Variants in PHACTR2 observed in about 807,000 individuals in gnomAD.
PHACTR2 encodes phosphatase and actin regulator 2.
PHACTR2 carries 30 observed loss-of-function variants against 76.0 expected under a neutral mutation model. The observed-to-expected ratio is 0.39, with a 90% CI of 0.30 to 0.54. PHACTR2 has a LOEUF of 0.54. PHACTR2 is among the 20% of genes least tolerant of loss of function. The pLI is 0.61. For synonymous variants in PHACTR2, 292 were observed against 292.5 expected (o/e 1.00, Z 0.02); for missense variants, 696 against 781.1 (o/e 0.89, Z 1.30).
rs1269122355 is a variant in PHACTR2, at chr6:143,658,039, T to C, written c.13+49717T>C. Among the ~76,000 whole-genome samples, 1 of 152,180 alleles carries C rather than the reference T, an allele frequency of 6.6e-6. No individual in the cohort carries two copies. The highest frequency in any genetic ancestry group is 1.5e-5 in the Non-Finnish European group (1 of 68,030). On this transcript the variant is annotated intron_variant, in intron 1 of 11. Coordinates refer to the PHACTR2 transcript ENST00000305766. The surrounding 1 kb of genome is among the most constrained non-coding windows in gnomAD (Gnocchi z 4.1). Reference sequence around the variant, plus strand: ...ATACCACAATTTATTTACCCACTCTTCTGTTGAGGGACGTTTGGCCTGTCC... The same window carrying C: ...ATACCACAATTTATTTACCCACTCTCCTGTTGAGGGACGTTTGGCCTGTCC...
Position 143,616,488 on chromosome 6 carries a change from T to C in PHACTR2, c.13+8166T>C, listed in dbSNP as rs1398646538. On this transcript the variant is annotated intron_variant, in intron 1 of 11. Coordinates refer to the PHACTR2 transcript ENST00000305766. The surrounding 1 kb of genome is among the most constrained non-coding windows in gnomAD (Gnocchi z 4.9). Reference sequence around the variant, plus strand: ...CACAAAAGCATTTGTACCTTCATTCTTGCTGTTCTTCCCACCTAGAACGCC... The same window carrying C: ...CACAAAAGCATTTGTACCTTCATTCCTGCTGTTCTTCCCACCTAGAACGCC... Among the ~76,000 whole-genome samples the C allele has an allele frequency of 1.3e-5, 2 of 152,238 alleles. No homozygotes were observed. The highest frequency in any genetic ancestry group is 4.8e-5 in the African/African-American group (2 of 41,468).
chr6:143,805,306 C>G (rs752923602), intron 11 of PHACTR2, among the ~76,000 whole-genome samples: 1 of 151,882 alleles, frequency 6.6e-6, no homozygotes, highest in Non-Finnish European at 1.5e-5. Flanking sequence ...GGTGAAACCT[C>G]GTCTCTACTA....
Position 143,732,404 on chromosome 6 carries a change from C to T in PHACTR2, c.215-16581C>T, listed in dbSNP as rs532643298. On this transcript the variant is annotated intron_variant, in intron 2 of 12. Transcript: ENST00000440869. ...ATATGTGGTCTTTTATGACTGATAT[C>T]TTTCACTTAGCAAGCTTTCATTGGT... 2.1e-4 allele frequency among the ~76,000 whole-genome samples: 32 copies of T among 152,282 alleles called. 2 individuals are homozygous for T. In the South Asian group the frequency reaches 5.6e-3, roughly 27 times the overall value.
intron 1 of PHACTR2, among the ~76,000 whole-genome samples, chr6:143,642,360 A>G (rs562414886): frequency 1.3e-5 from 2 of 152,272 alleles, no homozygotes; most frequent in Non-Finnish European, 2.9e-5. Context: ...GACCAGAACA[A>G]TGAACAACTA....
chr6:143,733,397 T>G lies in PHACTR2; in HGVS notation c.215-15588T>G, dbSNP rs974312493. 3.9e-5 allele frequency among the ~76,000 whole-genome samples: 6 copies of G among 152,228 alleles called. No homozygotes were observed. Among genetic ancestry groups the G allele is most frequent in the African/African-American group, 1.2e-4 (5 of 41,464 alleles). On this transcript the variant is annotated intron_variant, in intron 2 of 12. Transcript: ENST00000440869. This position sits in a 1 kb window ranked among gnomAD's most constrained non-coding sequence, Gnocchi z 4.0. ...TATAGTGCCTGGCTTATGTTAAACA[T>G]TCAGTAAATGTATATTGAATGAACG... is the stretch of plus-strand genomic sequence containing the variant.
intron 6 of PHACTR2, among the ~76,000 whole-genome samples, chr6:143,766,291 T>C (rs1257339827): frequency 6.6e-6 from 1 of 152,226 alleles, no homozygotes; most frequent in Non-Finnish European, 1.5e-5. Flanking sequence ...TGTTATGTCC[T>C]CTGTGAAGCC....
rs369885470 is a variant in PHACTR2 at position 143,641,054 on chromosome 6, C to G, written c.13+32732C>G. On this transcript the variant is annotated intron_variant, in intron 1 of 11. Transcript: ENST00000305766. The surrounding 1 kb of genome is among the most constrained non-coding windows in gnomAD (Gnocchi z 5.8). ...CATAGTTCTGGAGGTTGGTGGTCCA[C>G]GATCAAGGTGCTGGCATCTGCTGAG... 6.6e-6 allele frequency among the ~76,000 whole-genome samples: 1 copy of G among 152,194 alleles called. No homozygotes were observed. Among genetic ancestry groups the G allele is most frequent in the Middle Eastern group, 3.4e-3 (1 of 294 alleles).
At position 143,738,762 on chromosome 6, in the gene PHACTR2, AAAAGAAAG is replaced by A. The variant is rs563556097; in HGVS notation, c.215-10207_215-10200del. ...TAGAGCAGGACCTTGTCTCAAAAAAAAAAGAAAGAAAGAAAGAAAGAAAATTAAATGAA... is the reference window on the plus strand; with the variant it reads ...TAGAGCAGGACCTTGTCTCAAAAAAAAAAGAAAGAAAGAAAATTAAATGAA... On this transcript the variant is annotated intron_variant, in intron 2 of 12. Transcript: ENST00000440869. This position sits in a 1 kb window ranked among gnomAD's most constrained non-coding sequence, Gnocchi z 4.0. 2.0e-5 allele frequency among the ~76,000 whole-genome samples: 3 copies of A among 152,128 alleles called. No homozygotes were observed. Among genetic ancestry groups the A allele is most frequent in the Middle Eastern group, 3.2e-3 (1 of 316 alleles).
At chr6:143,588,622 G>A (rs1775653980) in intron 1 of PHACTR2, among the ~76,000 whole-genome samples, 1 of 152,074 alleles carries the variant, frequency 6.6e-6, no homozygotes, top group Non-Finnish European at 1.5e-5. Context: ...AAATGTAAGA[G>A]TTCATGAAAT....
chr6:143,715,746 G>T (rs1385994812), intron 2 of PHACTR2, among the ~76,000 whole-genome samples: 1 of 152,172 alleles, frequency 6.6e-6, no homozygotes, highest in Non-Finnish European at 1.5e-5. Flanking sequence ...GCCAACCCCA[G>T]CTATCCTTGT....
chr6:143,707,604 A>G (rs1778082805), intron 1 of PHACTR2, among the ~76,000 whole-genome samples: 1 of 152,242 alleles, frequency 6.6e-6, no homozygotes, highest in South Asian at 2.1e-4. Context: ...TATCTATTAA[A>G]TAGTATAAAC....
Position 143,548,471 on chromosome 6 carries a change from C to T in PHACTR2, c.217+11264C>T, listed in dbSNP as rs565307977. ...CTCTGATGCTGTGAGCATATATTCT[C>T]CTCAGATTTCCCCTATTTACATGTC... On this transcript the variant is annotated intron_variant, in intron 1 of 11. Transcript: ENST00000367584. The surrounding 1 kb of genome is among the most constrained non-coding windows in gnomAD (Gnocchi z 4.5). Among the ~76,000 whole-genome samples, 29 of 152,192 alleles carry T rather than the reference C, an allele frequency of 1.9e-4. No individual in the cohort carries two copies. In the South Asian group the frequency reaches 6.0e-3, roughly 32 times the overall value.
Position 143,828,965 on chromosome 6 carries a change from C to A in PHACTR2, c.*5276C>A, listed in dbSNP as rs996422085. On this transcript the variant is annotated 3_prime_UTR_variant, in exon 13 of 13. Coordinates refer to ENST00000440869, the MANE Select transcript of PHACTR2 (RefSeq NM_001100164.2). This position sits in a 1 kb window ranked among gnomAD's most constrained non-coding sequence, Gnocchi z 4.7. The stretch of plus-strand genomic sequence containing the variant: ...TTTGAGGACACAGGGAGAAAAAGTG[C>A]CTATCCTCAAACATTGTCTCTGCTG... 6.6e-6 allele frequency: 1 copy of A among 152,104 alleles called. No homozygotes were observed. The highest frequency in any genetic ancestry group is 2.4e-5 in the African/African-American group (1 of 41,398). The allele number at this position is 152,104 out of a possible 1,614,324, so 9.4% of individuals were successfully genotyped here.
In PHACTR2 at chr6:143,820,204, C is replaced by G. The variant is rs1163475923; in HGVS notation, c.1923-3470C>G. Among the ~76,000 whole-genome samples the G allele has an allele frequency of 6.6e-6, 1 of 152,114 alleles. No homozygotes were observed. The highest frequency in any genetic ancestry group is 1.5e-5 in the Non-Finnish European group (1 of 68,012). On this transcript the variant is annotated intron_variant, in intron 12 of 12. Transcript: ENST00000440869. The surrounding 1 kb of genome is among the most constrained non-coding windows in gnomAD (Gnocchi z 4.2). ...ATGAGATTTGGCAGGGACAAATATC[C>G]AAACTGTATCATTTTGACCCTGGCT...
At chr6:143,661,278 T>G (rs1776942234) in intron 1 of PHACTR2, among the ~76,000 whole-genome samples, 2 of 152,202 alleles carry the variant, frequency 1.3e-5, no homozygotes, top group Non-Finnish European at 2.9e-5. Context: ...TAGTATTCAG[T>G]GTTGGTTTGT....
Position 143,539,031 on chromosome 6 carries a change from A to T in PHACTR2, c.217+1824A>T, listed in dbSNP as rs1026992625. Among the ~76,000 whole-genome samples, 2 of 152,186 alleles carry T rather than the reference A, an allele frequency of 1.3e-5. No homozygotes were observed. Among genetic ancestry groups the T allele is most frequent in the African/African-American group, 4.8e-5 (2 of 41,426 alleles). On this transcript the variant is annotated intron_variant, in intron 1 of 11. Coordinates refer to the PHACTR2 transcript ENST00000367584. The surrounding 1 kb of genome is among the most constrained non-coding windows in gnomAD (Gnocchi z 4.3). ...ACTCTAAAGAGACCACTGAGAATTC[A>T]CCTAGTTGGTGATTGTAGACAAAGT...
At position 143,784,195 on chromosome 6, in the gene PHACTR2, A is replaced by G. The variant is rs1212083263; in HGVS notation, c.1707+915A>G. 6.6e-6 allele frequency among the ~76,000 whole-genome samples: 1 copy of G among 152,206 alleles called. No homozygotes were observed. The highest frequency in any genetic ancestry group is 2.4e-5 in the African/African-American group (1 of 41,430). ...CACTATTCCACATCACAGCTGGGTA[A>G]GTAATTTATTAAGTGAACTTGATCA... On this transcript the variant is annotated intron_variant, in intron 10 of 12. Transcript: ENST00000440869. This position sits in a 1 kb window ranked among gnomAD's most constrained non-coding sequence, Gnocchi z 4.5.
In PHACTR2 at chr6:143,550,461, C is replaced by A. The variant is rs1775080574; in HGVS notation, c.217+13254C>A. The stretch of plus-strand genomic sequence containing the variant: ...TACTCTTGCTTTCCTGTTTGGCAAA[C>A]CTTACTATATATTATCTATATAGTA... On this transcript the variant is annotated intron_variant, in intron 1 of 11. Coordinates refer to the PHACTR2 transcript ENST00000367584. This position sits in a 1 kb window ranked among gnomAD's most constrained non-coding sequence, Gnocchi z 4.8. Among the ~76,000 whole-genome samples the A allele has an allele frequency of 2.0e-5, 3 of 152,086 alleles. No individual in the cohort carries two copies. The South Asian group carries it at 6.2e-4, about 32-fold the overall frequency.
rs1775572557 is a variant in PHACTR2, at chr6:143,581,531, C to T, written c.217+44324C>T. Among the ~76,000 whole-genome samples the T allele has an allele frequency of 6.6e-6, 1 of 152,086 alleles. No individual in the cohort carries two copies. Among genetic ancestry groups the T allele is most frequent in the African/African-American group, 2.4e-5 (1 of 41,408 alleles). ...TGGCCTGGAGAAGAAGCTCTTTTTC[C>T]ACTGAAACAGGAGGAATGGCGGGAA... is the stretch of plus-strand genomic sequence containing the variant. On this transcript the variant is annotated intron_variant, in intron 1 of 11. Transcript: ENST00000367584. The surrounding 1 kb of genome is among the most constrained non-coding windows in gnomAD (Gnocchi z 4.5).
Sources: gnomAD v4.1 joint callset for allele counts (sites outside exome capture counted in the v4.1 genomes callset) on GRCh38, gnomAD v4.1.1 for gene constraint, Gnocchi (gnomAD v3.1) non-coding constraint, MANE v1.5 for transcripts, NCBI Gene and HGNC (gene_info 2026-07-23, HGNC 2026-07-21) for gene names.